The following CPSF3 variants were observed in gnomAD, a reference collection of about 807,000 sequenced individuals.
CPSF3 encodes the protein cleavage and polyadenylation specific factor 3, also known as cleavage and polyadenylation specificity factor subunit 3.
A neutral mutation model predicts 84.1 loss-of-function variants in CPSF3; 57 were observed. The observed-to-expected ratio is 0.68, with a 90% CI of 0.55 to 0.85. The LOEUF is 0.85. CPSF3 is among the 40% of genes least tolerant of loss of function. The probability of loss-of-function intolerance (pLI) is 0.00; values close to 1 mark genes in which losing one functional copy is unlikely to be tolerated. For synonymous variants in CPSF3, 275 were observed against 278.1 expected (o/e 0.99, Z 0.11); for missense variants, 522 against 838.8 (o/e 0.62, Z 4.66).
chr2:9,431,696 G>A (rs2148935756), intron 4 of CPSF3, among the ~76,000 whole-genome samples: 1 of 151,620 alleles, frequency 6.6e-6, no homozygotes, highest in Middle Eastern at 3.4e-3. Flanking sequence ...GGCACACAGT[G>A]CATACCACCA....
intron 15 of CPSF3, among the ~76,000 whole-genome samples, chr2:9,463,607 G>A (rs1681806054): frequency 6.6e-6 from 1 of 152,198 alleles, no homozygotes; most frequent in African/African-American, 2.4e-5. Flanking sequence ...TCCTTTCAAA[G>A]GTGACAAGTA....
intron 15 of CPSF3, among the ~76,000 whole-genome samples, chr2:9,466,192 GCGCTCACACACACACGCGCACAC>G (rs1681905019): frequency 6.7e-6 from 1 of 148,336 alleles, no homozygotes; most frequent in African/African-American, 2.6e-5. Context: ...ACACACACAC[GCGCTCACACACACACGCGCACAC>G]ACGCACGCAC....
In CPSF3 at chr2:9,472,773, C is replaced by T. The variant is rs1443300548; in HGVS notation, c.1954-143C>T. ...GGCTCAGTGATCCTCCCACCTCAGACTCTTATCTGGGACCACAGGCACACG... is the reference window on the plus strand; with the variant it reads ...GGCTCAGTGATCCTCCCACCTCAGATTCTTATCTGGGACCACAGGCACACG... On this transcript the variant is annotated intron_variant, in intron 17 of 17. Transcript: ENST00000238112. 4 of 680,336 alleles carry T rather than the reference C, an allele frequency of 5.9e-6. No individual in the cohort carries two copies. In the Admixed American group the frequency reaches 6.3e-5, roughly 11 times the overall value. The allele number at this position is 680,336 out of a possible 1,614,324, so 42.1% of individuals were successfully genotyped here.
chr2:9,433,716 A>C (rs1680676475), intron 5 of CPSF3, among the ~76,000 whole-genome samples, 155 bp from the exon 6 acceptor site: 1 of 152,246 alleles, frequency 6.6e-6, no homozygotes, highest in Non-Finnish European at 1.5e-5. Context: ...ACTGAACTAC[A>C]CATTTTGAAT....
intron 6 of CPSF3, among the ~76,000 whole-genome samples, chr2:9,434,850 T>C (rs1046712941): frequency 1.4e-4 from 21 of 152,188 alleles, no homozygotes; most frequent in African/African-American, 5.1e-4. Context: ...CAGGTGTATG[T>C]GGTTCAAGGA....
At chr2:9,427,986 A>T (rs6432000) in intron 1 of CPSF3, among the ~76,000 whole-genome samples, 12,396 of 150,934 alleles carry the variant, frequency 0.082, 1,682 homozygotes, top group African/African-American at 0.28. Context: ...TAAGTATTTT[A>T]AAAAAAAAAA....
In CPSF3 at chr2:9,436,219, T is replaced by C; in HGVS notation, c.618T>C (p.Thr206=). 3.7e-6 allele frequency: 6 copies of C among 1,601,396 alleles called. No individual in the cohort carries two copies. Among genetic ancestry groups the C allele is most frequent in the Non-Finnish European group, 4.3e-6 (5 of 1,174,862 alleles). ...IKPDILIIES[T]YGTHIHEKRE... Reference sequence around the variant, plus strand: ...TCTAATGTATTATTTAGGAATCTACTTATGGGACCCATATCCATGAGAAAC... The same window carrying C: ...TCTAATGTATTATTTAGGAATCTACCTATGGGACCCATATCCATGAGAAAC... Residue 206 remains threonine (T), a synonymous_variant, in exon 7 of 18, where the codon ACT becomes ACC. Coordinates refer to ENST00000238112, the MANE Select transcript of CPSF3 (RefSeq NM_016207.4).
chr2:9,447,112 A>T (rs1037721108), intron 10 of CPSF3, among the ~76,000 whole-genome samples: 2 of 151,768 alleles, frequency 1.3e-5, no homozygotes, highest in African/African-American at 4.8e-5. Flanking sequence ...CTGCACTCCA[A>T]CCTGGGCAAC....
chr2:9,453,737 A>G (rs1242749026), intron 12 of CPSF3, among the ~76,000 whole-genome samples: 1 of 152,142 alleles, frequency 6.6e-6, no homozygotes, highest in East Asian at 1.9e-4. Flanking sequence ...CTAAAAATAC[A>G]AAAATTAGCT....
At chr2:9,439,046 A>G (rs1395249704) in intron 7 of CPSF3, among the ~76,000 whole-genome samples, 2 of 152,232 alleles carry the variant, frequency 1.3e-5, no homozygotes, top group Non-Finnish European at 2.9e-5. Context: ...AGTCCGCTTT[A>G]GGGTATCTAA....
At chr2:9,455,574 T>A (rs1268850904) in intron 12 of CPSF3, 85 bp from the exon 13 acceptor site, 10 of 954,464 alleles carry the variant, frequency 1.0e-5, no homozygotes, top group African/African-American at 1.7e-5. Context: ...TCACATTTAC[T>A]TGCTTTTATT....
At chr2:9,425,723 C>T (rs1022115005) in intron 1 of CPSF3, among the ~76,000 whole-genome samples, 13 of 151,770 alleles carry the variant, frequency 8.6e-5, no homozygotes, top group South Asian at 4.2e-4. Context: ...TTGGTTGTTT[C>T]GTAACAGCTT....
At position 9,427,297 on chromosome 2, in the gene CPSF3, A is replaced by G. The variant is rs1012388864; in HGVS notation, c.51-1468A>G. ...GGGCAGGTTGGTACCCTGTTGGTAC[A>G]TGTATTCTTAATTATTGTACCAACA... On this transcript the variant is annotated intron_variant, in intron 1 of 17. Transcript: ENST00000238112. Among the ~76,000 whole-genome samples, 49 of 152,340 alleles carry G rather than the reference A, an allele frequency of 3.2e-4. 1 individual carries two copies. Among genetic ancestry groups the G allele is most frequent in the Middle Eastern group, 3.4e-3 (1 of 294 alleles).
intron 10 of CPSF3, among the ~76,000 whole-genome samples, chr2:9,444,039 A>G (rs1681041798): frequency 6.6e-6 from 1 of 151,964 alleles, no homozygotes; most frequent in Non-Finnish European, 1.5e-5. Flanking sequence ...ATTTGTAAAT[A>G]GGAATAATAG....
chr2:9,427,189 C>T (rs995810085), intron 1 of CPSF3, among the ~76,000 whole-genome samples: 5 of 152,130 alleles, frequency 3.3e-5, no homozygotes, highest in South Asian at 4.2e-4. Context: ...GGAGGGAGTA[C>T]GTAGAGTAGA....
intron 15 of CPSF3, among the ~76,000 whole-genome samples, chr2:9,465,407 G>A (rs952874486): frequency 6.6e-6 from 1 of 151,954 alleles, no homozygotes; most frequent in Non-Finnish European, 1.5e-5. Context: ...TTGCACCACC[G>A]CACTCCAGCC....
intron 3 of CPSF3, among the ~76,000 whole-genome samples, chr2:9,430,334 C>G (rs1461772973): frequency 6.6e-6 from 1 of 152,178 alleles, no homozygotes; most frequent in African/African-American, 2.4e-5. Flanking sequence ...ACTGTTTTAT[C>G]ACATTCTTCT....
intron 7 of CPSF3, among the ~76,000 whole-genome samples, chr2:9,439,171 A>C (rs1680882677): frequency 2.6e-5 from 4 of 152,384 alleles, no homozygotes; most frequent in Admixed American, 1.3e-4. Context: ...TTGATACATC[A>C]AATGGAAGAA....
intron 11 of CPSF3, among the ~76,000 whole-genome samples, chr2:9,452,343 A>G: frequency 6.6e-6 from 1 of 151,078 alleles, no homozygotes; most frequent in South Asian, 2.1e-4. Flanking sequence ...AAAAAAAAAA[A>G]GAATAGTGGG....
Sources: gnomAD v4.1 joint callset for allele counts (sites outside exome capture counted in the v4.1 genomes callset) on GRCh38, gnomAD v4.1.1 for gene constraint, MANE v1.5 for transcripts, NCBI Gene and HGNC (gene_info 2026-07-23, HGNC 2026-07-21) for gene names.